Variants in PPIL3 observed in about 807,000 individuals in gnomAD.
The protein encoded by PPIL3 is peptidyl-prolyl cis-trans isomerase-like 3.
PPIL3 carries 13 observed loss-of-function variants against 20.9 expected under a neutral mutation model. The ratio of observed to expected loss-of-function variants is 0.62; its 90% CI spans 0.40 to 0.99. The LOEUF (loss-of-function observed/expected upper bound fraction) is 0.99. PPIL3 is among the 50% of genes least tolerant of loss of function. The probability of loss-of-function intolerance (pLI) is 0.00; values close to 1 mark genes in which losing one functional copy is unlikely to be tolerated. For synonymous variants in PPIL3, 71 were observed against 64.4 expected (o/e 1.10, Z -0.49); for missense variants, 170 against 195.2 (o/e 0.87, Z 0.77).
chr2:200,874,817 A>G (rs2039454191), intron 6 of PPIL3, among the ~76,000 whole-genome samples: 1 of 152,138 alleles, frequency 6.6e-6, no homozygotes, highest in African/African-American at 2.4e-5. Context: ...CAGCCTTGAC[A>G]CCCTGAGCCC....
At chr2:200,875,612 TGCCCAG>T in intron 6 of PPIL3, among the ~76,000 whole-genome samples, 1 of 152,050 alleles carries the variant, frequency 6.6e-6, no homozygotes, top group Non-Finnish European at 1.5e-5. Flanking sequence ...GTATCATTGT[TGCCCAG>T]GCTGGAGTAC....
intron 4 of PPIL3, chr2:200,881,793 T>G: frequency 3.1e-6 from 1 of 323,076 alleles, no homozygotes; most frequent in South Asian, 5.5e-5. Context: ...TTGTTCAAAT[T>G]TTAGTATATG....
In PPIL3 at chr2:200,871,335, G is replaced by T. The variant is rs1367718081; in HGVS notation, c.*60C>A. 1.1e-5 allele frequency: 16 copies of T among 1,507,182 alleles called. No homozygotes were observed. The highest frequency in any genetic ancestry group is 1.9e-5 in the Admixed American group (1 of 51,452). The allele number at this position is 1,507,182 out of a possible 1,614,324, so 93.4% of individuals were successfully genotyped here. A position where few individuals can be genotyped will look rare whatever the true frequency, so the allele number is the denominator to read the frequency against. ...CAATCTCTGACATAATTAAAACCGGGTAAACCACAATAAGTGTGTTCCAGC... is the reference window on the plus strand; with the variant it reads ...CAATCTCTGACATAATTAAAACCGGTTAAACCACAATAAGTGTGTTCCAGC... On this transcript the variant is annotated 3_prime_UTR_variant, in exon 7 of 7. Coordinates refer to ENST00000392283, the MANE Select transcript of PPIL3 (RefSeq NM_130906.3).
intron 6 of PPIL3, among the ~76,000 whole-genome samples, chr2:200,873,330 C>T (rs1009261202): frequency 3.3e-5 from 5 of 151,766 alleles, no homozygotes; most frequent in African/African-American, 1.2e-4. Flanking sequence ...GCTGGGACTA[C>T]AGGCACATGC....
intron 6 of PPIL3, among the ~76,000 whole-genome samples, chr2:200,874,161 C>T (rs113957282): frequency 0.013 from 1,851 of 146,424 alleles, 17 homozygotes; most frequent in Middle Eastern, 0.025. Flanking sequence ...GCTGAGATGG[C>T]GCCACTGCAT....
chr2:200,884,684 G>A (rs1324517342), intron 3 of PPIL3, among the ~76,000 whole-genome samples: 2 of 151,934 alleles, frequency 1.3e-5, no homozygotes, highest in Non-Finnish European at 2.9e-5. Context: ...AGGCTGCAAT[G>A]AGCCGTGATT....
chr2:200,879,724 T>C (rs936781582), intron 5 of PPIL3, among the ~76,000 whole-genome samples: 28 of 152,056 alleles, frequency 1.8e-4, no homozygotes, highest in African/African-American at 6.3e-4. Context: ...GTCCAGCCAC[T>C]TGAGAGGCTG....
At chr2:200,875,507 C>A (rs1008245391) in intron 6 of PPIL3, among the ~76,000 whole-genome samples, 2 of 152,004 alleles carry the variant, frequency 1.3e-5, no homozygotes, top group African/African-American at 4.8e-5. Flanking sequence ...ACCTCATGAT[C>A]TGCCCTCCTT....
chr2:200,889,289 AGG>A (rs1434356954), upstream of PPIL3: 1 of 319,882 alleles, frequency 3.1e-6, no homozygotes, highest in Non-Finnish European at 6.2e-6. Flanking sequence ...CCAAACGGAA[AGG>A]ACCACTTCCG....
Position 200,889,056 on chromosome 2 carries a change from T to C in PPIL3, c.-171A>G, listed in dbSNP as rs1374524204. ...TGTTGGTTCAAAATTATAGTTTCTT[T>C]GGGCCAGCGGAAGTTGGGCGCGGGA... On this transcript the variant is annotated 5_prime_UTR_variant, in exon 1 of 7. Transcript: ENST00000392283. 4.2e-6 allele frequency: 2 copies of C among 471,096 alleles called. No individual in the cohort carries two copies. Among genetic ancestry groups the C allele is most frequent in the East Asian group, 1.4e-4 (2 of 14,404 alleles). The allele number at this position is 471,096 out of a possible 1,614,324, so 29.2% of individuals were successfully genotyped here.
intron 4 of PPIL3, 31 bp from the exon 5 acceptor site, chr2:200,881,519 GTATT>G (rs935742065): frequency 6.4e-7 from 1 of 1,570,768 alleles, no homozygotes; most frequent in African/African-American, 1.4e-5. Context: ...ATCAAAAGAA[GTATT>G]TAATTAAATT....
At chr2:200,886,197 A>G (rs2039932524) in intron 2 of PPIL3, among the ~76,000 whole-genome samples, 2 of 152,202 alleles carry the variant, frequency 1.3e-5, no homozygotes, top group South Asian at 4.1e-4. Context: ...CATTTTCCTT[A>G]GGTAATTTAA....
At chr2:200,872,619 G>T in intron 6 of PPIL3, among the ~76,000 whole-genome samples, 1 of 151,930 alleles carries the variant, frequency 6.6e-6, no homozygotes. Flanking sequence ...ATAAACTCAG[G>T]TATGGTTGAA....
chr2:200,875,030 A>G (rs1334544096), intron 6 of PPIL3, among the ~76,000 whole-genome samples: 2 of 152,244 alleles, frequency 1.3e-5, no homozygotes, highest in Non-Finnish European at 2.9e-5. Context: ...TTTATTAAGC[A>G]TGATAATTAT....
At chr2:200,875,456 T>C (rs62189330) in intron 6 of PPIL3, among the ~76,000 whole-genome samples, 82 of 152,082 alleles carry the variant, frequency 5.4e-4, no homozygotes, top group Admixed American at 9.8e-4. Context: ...TTAGTAGAGA[T>C]GGGGTTTCAC....
chr2:200,872,859 A>G (rs1238263378), intron 6 of PPIL3, among the ~76,000 whole-genome samples: 2 of 148,908 alleles, frequency 1.3e-5, no homozygotes, highest in Non-Finnish European at 3.0e-5. Context: ...GTAGGTGACC[A>G]CTCCACTTTG....
intron 3 of PPIL3, among the ~76,000 whole-genome samples, chr2:200,883,331 A>G (rs1472554139): frequency 5.9e-5 from 9 of 151,858 alleles, no homozygotes; most frequent in Non-Finnish European, 8.8e-5. Flanking sequence ...ACCTCTTTCC[A>G]TGGAGATGCC....
chr2:200,880,509 G>T (rs1329089512), intron 5 of PPIL3, among the ~76,000 whole-genome samples: 1 of 147,672 alleles, frequency 6.8e-6, no homozygotes, highest in East Asian at 2.0e-4. Context: ...TCAGCCTCTT[G>T]AGTAGCTGGG....
At chr2:200,879,197 C>A (rs1007887121) in intron 5 of PPIL3, among the ~76,000 whole-genome samples, 4 of 152,066 alleles carry the variant, frequency 2.6e-5, no homozygotes, top group Non-Finnish European at 4.4e-5. Flanking sequence ...CGGCTCACTG[C>A]AAGCACTGCC....
Sources: allele counts gnomAD v4.1 joint callset (sites outside exome capture counted in the v4.1 genomes callset), GRCh38; gene constraint gnomAD v4.1.1; transcripts MANE v1.5; gene names NCBI Gene and HGNC (gene_info 2026-07-23, HGNC 2026-07-21).